PRKCE: variants seen among roughly 807,000 people sequenced by gnomAD.
The protein encoded by PRKCE is protein kinase C epsilon, also known as protein kinase C epsilon type.
In PRKCE, 16 loss-of-function variants were observed where a neutral mutation model predicts 85.4. The ratio of observed to expected loss-of-function variants is 0.19; its 90% CI spans 0.13 to 0.28. The LOEUF (loss-of-function observed/expected upper bound fraction) is 0.28. Ranked by LOEUF, PRKCE falls within the 10% of genes least tolerant of loss-of-function variation. PRKCE has a pLI of 1.00. For missense variants in PRKCE, 573 were observed against 975.2 expected (o/e 0.59, Z 5.49); for synonymous variants, 388 against 371.5 (o/e 1.04, Z -0.51).
intron 1 of PRKCE, among the ~76,000 whole-genome samples, chr2:45,756,351 T>G (rs1684003633): frequency 6.6e-6 from 1 of 151,950 alleles, no homozygotes; most frequent in Non-Finnish European, 1.5e-5. Context: ...AATAGTGGGG[T>G]GGATTAGAGA....
intron 1 of PRKCE, among the ~76,000 whole-genome samples, chr2:45,750,841 A>G (rs1481485998): frequency 1.3e-5 from 2 of 152,134 alleles, no homozygotes; most frequent in Non-Finnish European, 2.9e-5. Context: ...ACCAGGCCCC[A>G]CACCATTCAC....
chr2:46,050,980 A>C (rs1051020110), intron 10 of PRKCE, among the ~76,000 whole-genome samples: 5 of 152,024 alleles, frequency 3.3e-5, no homozygotes, highest in Non-Finnish European at 5.9e-5. Flanking sequence ...CACTGTCATC[A>C]CTTCCTTTAT....
intron 2 of PRKCE, among the ~76,000 whole-genome samples, chr2:45,971,831 A>G (rs149877410): frequency 1.9e-3 from 290 of 152,302 alleles, no homozygotes; most frequent in African/African-American, 6.5e-3. Flanking sequence ...TGTGATGAAT[A>G]CACCATATAT....
At chr2:45,796,536 A>C (rs1488987883) in intron 1 of PRKCE, among the ~76,000 whole-genome samples, 1 of 152,162 alleles carries the variant, frequency 6.6e-6, no homozygotes. Flanking sequence ...GAGAGGTGGC[A>C]CTGTCTTATC....
At chr2:45,878,540 C>A (rs919012142) in intron 2 of PRKCE, among the ~76,000 whole-genome samples, 1 of 152,152 alleles carries the variant, frequency 6.6e-6, no homozygotes, top group Non-Finnish European at 1.5e-5. Flanking sequence ...AAAAGTGACT[C>A]CCTGGGTTCT....
At chr2:46,117,202 A>G (rs1672859747) in intron 11 of PRKCE, among the ~76,000 whole-genome samples, 1 of 152,234 alleles carries the variant, frequency 6.6e-6, no homozygotes, top group Admixed American at 6.5e-5. Flanking sequence ...CCAACATACC[A>G]GAGTTTACAC....
chr2:46,031,637 G>GA (rs1361303455), intron 10 of PRKCE, among the ~76,000 whole-genome samples: 1 of 121,484 alleles, frequency 8.2e-6, no homozygotes, highest in Non-Finnish European at 1.8e-5. Flanking sequence ...TGTGTGTGTA[G>GA]AAAAAACCCA....
Position 46,185,531 on chromosome 2 carries a change from A to T in PRKCE, c.*650A>T, listed in dbSNP as rs1680388747. ...TGTAAGTTTGTGTCTTGTGGAAGAAATCCTCTTTGTGGAAAAAGAAACAGG... is the reference window on the plus strand; with the variant it reads ...TGTAAGTTTGTGTCTTGTGGAAGAATTCCTCTTTGTGGAAAAAGAAACAGG... On this transcript the variant is annotated 3_prime_UTR_variant, in exon 15 of 15. Transcript: ENST00000306156. This position sits in a 1 kb window ranked among gnomAD's most constrained non-coding sequence, Gnocchi z 4.7. 1 of 152,688 alleles carries T rather than the reference A, an allele frequency of 6.5e-6. No individual in the cohort carries two copies. Among genetic ancestry groups the T allele is most frequent in the Non-Finnish European group, 1.5e-5 (1 of 68,062 alleles). 9.5% of individuals were successfully genotyped at this position (152,688 alleles called of 1,614,324 possible). A position where few individuals can be genotyped will look rare whatever the true frequency, so the allele number is the denominator to read the frequency against.
chr2:45,953,260 G>T (rs752839180), intron 2 of PRKCE, among the ~76,000 whole-genome samples: 1 of 152,112 alleles, frequency 6.6e-6, no homozygotes, highest in East Asian at 1.9e-4. Flanking sequence ...ACCATCCCAT[G>T]TAATTTTGTC....
chr2:45,925,631 T>C (rs967760897), intron 2 of PRKCE, among the ~76,000 whole-genome samples: 1 of 152,192 alleles, frequency 6.6e-6, no homozygotes, highest in Non-Finnish European at 1.5e-5. Flanking sequence ...TTAGCATCAG[T>C]AAACATTTAC....
At chr2:45,792,408 A>G (rs917989713) in intron 1 of PRKCE, among the ~76,000 whole-genome samples, 3 of 152,188 alleles carry the variant, frequency 2.0e-5, no homozygotes, top group Non-Finnish European at 4.4e-5. Context: ...AACTCAAATC[A>G]TAGCATACGA....
At chr2:45,830,597 A>G (rs1020654746) in intron 1 of PRKCE, among the ~76,000 whole-genome samples, 2 of 152,224 alleles carry the variant, frequency 1.3e-5, no homozygotes, top group Non-Finnish European at 1.5e-5. Flanking sequence ...AACAAATAGA[A>G]GAGTATCTCC....
chr2:46,010,655 A>T (rs755480017), intron 10 of PRKCE, 138 bp downstream of exon 10: 3 of 1,599,082 alleles, frequency 1.9e-6, no homozygotes, highest in Non-Finnish European at 2.5e-6. Flanking sequence ...AAAGATCAGG[A>T]TGTATTTGAA....
rs183491980 is a variant in PRKCE, at chr2:45,809,118, A to T, written c.349-33882A>T. Among the ~76,000 whole-genome samples the T allele has an allele frequency of 2.6e-5, 4 of 152,222 alleles. No homozygotes were observed. The East Asian group carries it at 7.7e-4, about 29-fold the overall frequency. Reference sequence around the variant, plus strand: ...GCTTGGTGCATTCTAGCCTGATGGGACTGGTCATCTAGACTAGGGCCCCCT... The same window carrying T: ...GCTTGGTGCATTCTAGCCTGATGGGTCTGGTCATCTAGACTAGGGCCCCCT... On this transcript the variant is annotated intron_variant, in intron 1 of 14. Coordinates refer to ENST00000306156, the MANE Select transcript of PRKCE (RefSeq NM_005400.3).
At position 46,007,491 on chromosome 2, in the gene PRKCE, A is replaced by G. The variant is rs1455355273; in HGVS notation, c.1093A>G (p.Lys365Glu). 1 of 1,599,788 alleles carries G rather than the reference A, an allele frequency of 6.3e-7. No homozygotes were observed. Among genetic ancestry groups the G allele is most frequent in the South Asian group, 1.1e-5 (1 of 91,082 alleles). ...AAAAGAACTTGAGAACAACATTCGG[A>G]AAGCCTTGTCATTTGACAACCGAGG... ...EIKELENNIR[K>E]ALSFDNRGEE... Residue 365 changes from lysine (K) to glutamate (E), a missense_variant, in exon 9 of 15, where the codon AAA (lysine) becomes GAA (glutamate). Lys to Glu is a moderately conservative substitution (Grantham distance 56). This residue lies in a region of PRKCE where 117 missense variants were observed against 104.8 expected (regional missense o/e 1.12). Transcript: ENST00000306156.
At chr2:45,914,923 G>C (rs1272095561) in intron 2 of PRKCE, among the ~76,000 whole-genome samples, 1 of 152,198 alleles carries the variant, frequency 6.6e-6, no homozygotes. Flanking sequence ...CCTTTTGCTA[G>C]AACTTTCCAT....
chr2:45,655,846 G>GAAAAAAAAAAAAAAAAAAAAAAAAAAAA, intron 1 of PRKCE, among the ~76,000 whole-genome samples: 1 of 66,260 alleles, frequency 1.5e-5, no homozygotes, highest in Non-Finnish European at 2.6e-5. Flanking sequence ...CCTGTCTCTT[G>GAAAAAAAAAAAAAAAAAAAAAAAAAAAA]AAAAAAAAAA....
chr2:45,999,237 G>A (rs1323495329), intron 6 of PRKCE, among the ~76,000 whole-genome samples: 6 of 152,084 alleles, frequency 3.9e-5, no homozygotes, highest in Admixed American at 3.9e-4. Context: ...TCTCTCTGAA[G>A]AACTACTTTT....
At chr2:46,091,231 T>C (rs768969846) in intron 11 of PRKCE, among the ~76,000 whole-genome samples, 2 of 152,140 alleles carry the variant, frequency 1.3e-5, no homozygotes, top group Non-Finnish European at 2.9e-5. Flanking sequence ...TTCCTAATTA[T>C]GGCATTTAAC....
Sources: allele counts gnomAD v4.1 joint callset (sites outside exome capture counted in the v4.1 genomes callset), GRCh38; gene constraint gnomAD v4.1.1; regional missense constraint gnomAD v4.1.1; non-coding constraint Gnocchi (gnomAD v3.1); transcripts MANE v1.5; gene names NCBI Gene and HGNC (gene_info 2026-07-23, HGNC 2026-07-21).